The following KHDRBS2 variants were observed in gnomAD, a reference collection of about 807,000 sequenced individuals.
KHDRBS2 encodes KH RNA binding domain containing, signal transduction associated 2.
KHDRBS2 carries 26 observed loss-of-function variants against 44.3 expected under a neutral mutation model. The observed-to-expected ratio is 0.59, with a 90% confidence interval of 0.43 to 0.81. The LOEUF (loss-of-function observed/expected upper bound fraction) is 0.81, where lower values mean the gene tolerates loss of function less well. Among genes scored for constraint, KHDRBS2 ranks in the 40% least tolerant of loss-of-function variants. The probability of loss-of-function intolerance (pLI) is 0.00; values close to 1 mark genes in which losing one functional copy is unlikely to be tolerated. For synonymous variants in KHDRBS2, 194 were observed against 151.1 expected (o/e 1.28, Z -2.08); for missense variants, 476 against 433.1 (o/e 1.10, Z -0.88).
intron 4 of KHDRBS2, among the ~76,000 whole-genome samples, chr6:61,913,022 C>T (rs1806329878): frequency 6.6e-6 from 1 of 152,104 alleles, no homozygotes; most frequent in African/African-American, 2.4e-5. Context: ...CAAGTGCCTT[C>T]ATCACAGACA....
chr6:62,208,091 G>A (rs1828338697), intron 1 of KHDRBS2, among the ~76,000 whole-genome samples: 2 of 152,000 alleles, frequency 1.3e-5, no homozygotes, highest in African/African-American at 2.4e-5. Flanking sequence ...CTCTATATCT[G>A]TATAGTTGAA....
intron 6 of KHDRBS2, among the ~76,000 whole-genome samples, chr6:61,861,665 T>G (rs556128146): frequency 3.3e-5 from 5 of 152,096 alleles, no homozygotes; most frequent in South Asian, 2.1e-4. Flanking sequence ...GTTTTGTTTT[T>G]TTTTTTCTTA....
intron 1 of KHDRBS2, among the ~76,000 whole-genome samples, chr6:62,201,328 T>C (rs1585180415): frequency 1.3e-5 from 2 of 152,168 alleles, no homozygotes; most frequent in East Asian, 3.9e-4. Context: ...AAGGTATAGT[T>C]AGAATGTAAT....
At chr6:61,684,490 C>T (rs1766616028) in intron 8 of KHDRBS2, among the ~76,000 whole-genome samples, 1 of 151,828 alleles carries the variant, frequency 6.6e-6, no homozygotes, top group African/African-American at 2.4e-5. Context: ...AGTAGACAAG[C>T]AGATTCTAAA....
intron 4 of KHDRBS2, among the ~76,000 whole-genome samples, chr6:61,923,367 C>A (rs1159367591): frequency 6.6e-6 from 1 of 151,906 alleles, no homozygotes; most frequent in Non-Finnish European, 1.5e-5. Context: ...ATAAATTCAA[C>A]AATTTAAAGG....
In KHDRBS2 at chr6:62,211,558, C is replaced by CA. The variant is rs1363793560; in HGVS notation, c.92-34247_92-34246insT. On this transcript the variant is annotated intron_variant, in intron 1 of 8. Transcript: ENST00000281156. ...GCTGACAGAGATACTAAACTCTAGA[C>CA]TAATTACTTGTGATGATGATATTTT... Among the ~76,000 whole-genome samples the CA allele has an allele frequency of 5.3e-5, 8 of 152,212 alleles. No homozygotes were observed. In the Middle Eastern group the frequency reaches 0.01, roughly 194 times the overall value.
intron 3 of KHDRBS2, among the ~76,000 whole-genome samples, chr6:62,021,479 A>G (rs959814768): frequency 6.6e-6 from 1 of 151,882 alleles, no homozygotes; most frequent in African/African-American, 2.4e-5. Flanking sequence ...GTGTGTTTTT[A>G]TCCATTCTGA....
chr6:62,258,514 C>A (rs1837796640), intron 1 of KHDRBS2, among the ~76,000 whole-genome samples: 1 of 151,910 alleles, frequency 6.6e-6, no homozygotes, highest in Non-Finnish European at 1.5e-5. Context: ...GACAGTGATG[C>A]CAGACAATCA....
intron 1 of KHDRBS2, among the ~76,000 whole-genome samples, chr6:62,240,413 C>A (rs1311360353): frequency 2.0e-5 from 3 of 151,690 alleles, no homozygotes; most frequent in African/African-American, 7.3e-5. Flanking sequence ...AGAAGTTTAG[C>A]AAAAATTAAG....
intron 7 of KHDRBS2, among the ~76,000 whole-genome samples, chr6:61,698,814 G>C (rs1408796629): frequency 6.6e-6 from 1 of 151,612 alleles, no homozygotes. Context: ...TTCATTTGCT[G>C]TTTCTCCTAC....
intron 3 of KHDRBS2, among the ~76,000 whole-genome samples, chr6:62,040,963 G>A (rs1046181226): frequency 3.9e-5 from 6 of 152,106 alleles, no homozygotes; most frequent in African/African-American, 1.4e-4. Flanking sequence ...CACAGAATGT[G>A]AAATTTAAAA....
chr6:61,895,877 CTCTT>C (rs1341804299), intron 5 of KHDRBS2, among the ~76,000 whole-genome samples: 1 of 152,096 alleles, frequency 6.6e-6, no homozygotes, highest in Non-Finnish European at 1.5e-5. Flanking sequence ...AGTCAGATGG[CTCTT>C]TCTTGCTTAA....
At chr6:62,161,244 C>T (rs1201752566) in intron 2 of KHDRBS2, among the ~76,000 whole-genome samples, 1 of 151,722 alleles carries the variant, frequency 6.6e-6, no homozygotes, top group Non-Finnish European at 1.5e-5. Context: ...CTGTCAATCG[C>T]TTTTGATTGG....
chr6:62,189,028 T>C (rs1334890277), intron 1 of KHDRBS2, among the ~76,000 whole-genome samples: 1 of 151,972 alleles, frequency 6.6e-6, no homozygotes, highest in African/African-American at 2.4e-5. Flanking sequence ...GGCAGGAGAA[T>C]TGCTTGAACA....
At chr6:62,200,267 G>A (rs1465556232) in intron 1 of KHDRBS2, among the ~76,000 whole-genome samples, 1 of 152,138 alleles carries the variant, frequency 6.6e-6, no homozygotes, top group Non-Finnish European at 1.5e-5. Context: ...CTTCTGCACA[G>A]CAAAAGAAAC....
intron 3 of KHDRBS2, among the ~76,000 whole-genome samples, chr6:62,040,366 A>G (rs908714570): frequency 2.0e-5 from 3 of 152,098 alleles, no homozygotes; most frequent in African/African-American, 7.2e-5. Flanking sequence ...AATGTGTTCC[A>G]GTTATTTATT....
intron 4 of KHDRBS2, among the ~76,000 whole-genome samples, chr6:61,949,303 T>C (rs1347342356): frequency 6.6e-6 from 1 of 152,102 alleles, no homozygotes; most frequent in African/African-American, 2.4e-5. Flanking sequence ...GATAGGGAGG[T>C]TTATTAGCCT....
chr6:62,032,344 A>T (rs1386301862), intron 3 of KHDRBS2, among the ~76,000 whole-genome samples: 1 of 151,806 alleles, frequency 6.6e-6, no homozygotes, highest in African/African-American at 2.4e-5. Context: ...GAAAAGAGAG[A>T]TTGGCCTAGT....
At chr6:61,989,037 C>T (rs1200853202) in intron 3 of KHDRBS2, among the ~76,000 whole-genome samples, 1 of 152,120 alleles carries the variant, frequency 6.6e-6, no homozygotes, top group Non-Finnish European at 1.5e-5. Flanking sequence ...TTACCATGTA[C>T]AGACAAATAC....
Sources: allele counts gnomAD v4.1 joint callset (sites outside exome capture counted in the v4.1 genomes callset), GRCh38; gene constraint gnomAD v4.1.1; transcripts MANE v1.5; gene names NCBI Gene and HGNC (gene_info 2026-07-23, HGNC 2026-07-21).